The following ACP5 variants were observed in gnomAD, a reference collection of about 807,000 sequenced individuals.
ACP5 encodes acid phosphatase 5, tartrate resistant.
In ACP5, 24 loss-of-function variants were observed where a neutral mutation model predicts 28.7. That is an observed-to-expected ratio of 0.84 (90% confidence interval 0.61 to 1.18). ACP5 has a LOEUF of 1.18. Among genes scored for constraint, ACP5 ranks in the 50% most tolerant of loss-of-function variants. The probability of loss-of-function intolerance (pLI) is 0.00; values close to 1 mark genes in which losing one functional copy is unlikely to be tolerated. For missense variants in ACP5, 354 were observed against 422.2 expected, an observed-to-expected ratio of 0.84 and a Z score of 1.42; for synonymous variants, 154 against 181.4, an observed-to-expected ratio of 0.85 and a Z score of 1.21.
At chr19:11,578,317 C>G (rs139927262), upstream of ACP5, 1 of 152,410 alleles carries the variant, frequency 6.6e-6, no homozygotes, top group Admixed American at 6.6e-5. Flanking sequence ...CGCGTGTGTC[C>G]CCGTCCTCCC....
Position 11,575,045 on chromosome 19 carries a change from A to G in ACP5, c.943T>C (p.Phe315Leu). 1.2e-6 allele frequency: 2 copies of G among 1,614,218 alleles called. No individual in the cohort carries two copies. Among genetic ancestry groups the G allele is most frequent in the Non-Finnish European group, 1.7e-6 (2 of 1,180,044 alleles). ...TYIEASGKSL[F>L]KTRLPRRARP ...GCTCGCCTCGGCAGCCTGGTCTTAA[A>G]GAGGGACTTGCCCGAGGCCTCGATG... Residue 315 changes from phenylalanine (F) to leucine (L), a missense_variant, in exon 5 of 5, where the codon TTT becomes CTT. Transcript: ENST00000648477.
Position 11,577,239 on chromosome 19 carries a change from G to A in ACP5, c.79C>T (p.Arg27Cys), listed in dbSNP as rs369579418. The A allele has an allele frequency of 4.1e-5, 66 of 1,614,180 alleles. 1 individual carries two copies. Among genetic ancestry groups the A allele is most frequent in the Admixed American group, 1.8e-4 (11 of 60,012 alleles). The change falls in exon 2 of 5, where the codon CGC (arginine) becomes TGC (cysteine). Residue 27 changes from arginine (R) to cysteine (C), a missense_variant. By Grantham distance (180) the Arg-to-Cys change is radical. Coordinates refer to ENST00000648477, the MANE Select transcript of ACP5 (RefSeq NM_001611.5). The surrounding 1 kb of genome is among the most constrained non-coding windows in gnomAD (Gnocchi z 5.7). ...CCCCAGTCACCCACGGCTACAAAGC[G>A]CAGGGCAGGGGTGGCACCATCAGCC... Reference protein sequence around the residue: ...SLADGATPALRFVAVGDWGGV... With the variant: ...SLADGATPALCFVAVGDWGGV...
chr19:11,577,003 G>A lies in ACP5; in HGVS notation c.261+54C>T, dbSNP rs756487730. On this transcript the variant is annotated intron_variant, in intron 2 of 4. Transcript: ENST00000648477. This position sits in a 1 kb window ranked among gnomAD's most constrained non-coding sequence, Gnocchi z 5.7. ...CCAAAGGAAGGTCACTAGGTAAGGC[G>A]GCTTCTCCCCACTGCCCGCCCCCAC... 31 of 1,611,962 alleles carry A rather than the reference G, an allele frequency of 1.9e-5. 1 individual carries two copies. The highest frequency in any genetic ancestry group is 2.7e-5 in the African/African-American group (2 of 74,720).
At chr19:11,576,953 C>A (rs1973186413) in intron 2 of ACP5, 104 bp downstream of exon 2, 1 of 1,603,706 alleles carries the variant, frequency 6.2e-7, no homozygotes, top group African/African-American at 1.3e-5. Flanking sequence ...CCCAAAGGTG[C>A]CCCATCACCT....
At chr19:11,578,314 G>T (rs147825982), upstream of ACP5, 507 of 152,524 alleles carry the variant, frequency 3.3e-3, 9 homozygotes, top group Middle Eastern at 0.01. Context: ...CTCCGCGTGT[G>T]TCCCCGTCCT....
rs1314981432 is a variant in ACP5 at position 11,575,063 on chromosome 19, C to G, written c.925G>C (p.Ala309Pro). ...GTCTTAAAGAGGGACTTGCCCGAGG[C>G]CTCGATGTAAGTGACAGTCATCTCT... ...SKEMTVTYIE[A>P]SGKSLFKTRL... The change falls in exon 5 of 5, where the codon GCC (alanine) becomes CCC (proline). Residue 309 changes from alanine (A) to proline (P), a missense_variant. Physicochemically the swap from Ala to Pro is conservative, Grantham distance 27. Transcript: ENST00000648477. 8 of 1,614,084 alleles carry G rather than the reference C, an allele frequency of 5.0e-6. No homozygotes were observed. Among genetic ancestry groups the G allele is most frequent in the African/African-American group, 1.3e-5 (1 of 74,946 alleles).
In ACP5 at chr19:11,577,525, C is replaced by T. The variant is rs1454339493; in HGVS notation, c.-1+68G>A. 19 of 638,826 alleles carry T rather than the reference C, an allele frequency of 3.0e-5. No individual in the cohort carries two copies. The highest frequency in any genetic ancestry group is 9.6e-5 in the Admixed American group (4 of 41,712). 39.6% of individuals were successfully genotyped at this position (638,826 alleles called of 1,614,324 possible). ...AAGGGGGGCGCGGTCTGTGAGAGGG[C>T]GAGCTGTACCAAGATGGCCCTGCAG... On this transcript the variant is annotated intron_variant, in intron 1 of 4. Coordinates refer to ENST00000648477, the MANE Select transcript of ACP5 (RefSeq NM_001611.5). This position sits in a 1 kb window ranked among gnomAD's most constrained non-coding sequence, Gnocchi z 5.7.
rs1338301970 is a variant in ACP5 at position 11,574,742 on chromosome 19, C to G, written c.*268G>C. 1.4e-5 allele frequency: 5 copies of G among 357,912 alleles called. No individual in the cohort carries two copies. The highest frequency in any genetic ancestry group is 2.2e-5 in the Non-Finnish European group (4 of 182,456). 22.2% of individuals were successfully genotyped at this position (357,912 alleles called of 1,614,324 possible). ...AGGAGGAAGCTTTCCCTCCCTCCCT[C>G]CCCCATTGCACCCCGGAACTCAGCA... On this transcript the variant is annotated 3_prime_UTR_variant, in exon 5 of 5. Transcript: ENST00000648477.
At chr19:11,578,175 G>A (rs1002913361), upstream of ACP5, 9 of 152,624 alleles carry the variant, frequency 5.9e-5, no homozygotes, top group South Asian at 2.1e-4. Context: ...GTGTTCTCAC[G>A]TGGCACTGGG....
At position 11,577,250 on chromosome 19, in the gene ACP5, G is replaced by A. The variant is rs939236666; in HGVS notation, c.68C>T (p.Thr23Ile). The change falls in exon 2 of 5, where the codon ACC (threonine) becomes ATC (isoleucine). Residue 23 changes from threonine (T) to isoleucine (I), a missense_variant. Thr to Ile is a moderately conservative substitution (Grantham distance 89, BLOSUM62 -1). Transcript: ENST00000648477. This position sits in a 1 kb window ranked among gnomAD's most constrained non-coding sequence, Gnocchi z 5.7. Reference protein sequence around the residue: ...LLLPSLADGATPALRFVAVGD... With the variant: ...LLLPSLADGAIPALRFVAVGD... ...CACGGCTACAAAGCGCAGGGCAGGG[G>A]TGGCACCATCAGCCAGGGAGGGTAG... 4.3e-6 allele frequency: 7 copies of A among 1,614,180 alleles called. No individual in the cohort carries two copies. Among genetic ancestry groups the A allele is most frequent in the Admixed American group, 1.7e-5 (1 of 60,020 alleles).
chr19:11,578,413 C>T (rs1223638811), upstream of ACP5, among the ~76,000 whole-genome samples: 1 of 152,160 alleles, frequency 6.6e-6, no homozygotes, highest in Non-Finnish European at 1.5e-5. Context: ...TCCCCCCAGA[C>T]TCCCATTCCT....
In ACP5 at chr19:11,576,451, C is replaced by T. The variant is rs774878498; in HGVS notation, c.527G>A (p.Arg176Gln). Residue 176 changes from arginine (R) to glutamine (Q), a missense_variant, in exon 4 of 5, where the codon CGA becomes CAA. Physicochemically the swap from Arg to Gln is conservative, Grantham distance 43 (BLOSUM62 1). Coordinates refer to ENST00000648477, the MANE Select transcript of ACP5 (RefSeq NM_001611.5). ...DFLSQQPERP[R>Q]DVKLARTQLS... ...CTGTGTGCGGGCCAGCTTCACGTCT[C>T]GGGGCCTCTCAGGCTGCTGGCTGAG... is the stretch of plus-strand genomic sequence containing the variant. 24 of 1,614,118 alleles carry T rather than the reference C, an allele frequency of 1.5e-5. No individual in the cohort carries two copies. Among genetic ancestry groups the T allele is most frequent in the East Asian group, 4.5e-5 (2 of 44,886 alleles).
Position 11,577,535 on chromosome 19 carries a change from C to A in ACP5, c.-1+58G>T. On this transcript the variant is annotated intron_variant, in intron 1 of 4. Transcript: ENST00000648477. This position sits in a 1 kb window ranked among gnomAD's most constrained non-coding sequence, Gnocchi z 5.7. The stretch of plus-strand genomic sequence containing the variant: ...CGGTCTGTGAGAGGGCGAGCTGTAC[C>A]AAGATGGCCCTGCAGGCCCATTTCA... 1.6e-6 allele frequency: 1 copy of A among 619,630 alleles called. No individual in the cohort carries two copies. Among genetic ancestry groups the A allele is most frequent in the Non-Finnish European group, 2.9e-6 (1 of 346,750 alleles). The allele number at this position is 619,630 out of a possible 1,614,324, so 38.4% of individuals were successfully genotyped here.
At position 11,575,735 on chromosome 19, in the gene ACP5, T is replaced by C. The variant is rs941801576; in HGVS notation, c.736-483A>G. Among the ~76,000 whole-genome samples the C allele has an allele frequency of 2.0e-5, 3 of 151,312 alleles. No homozygotes were observed. The South Asian group carries it at 6.2e-4, about 31-fold the overall frequency. ...AGCAAGGTTTGGTGGCCCATGCTTG[T>C]AATCCCAGCTACTTGGGAGGCTGAG... On this transcript the variant is annotated intron_variant, in intron 4 of 4. Coordinates refer to ENST00000648477, the MANE Select transcript of ACP5 (RefSeq NM_001611.5).
At chr19:11,577,724 G>A (rs2071483), upstream of ACP5, 4 of 305,450 alleles carry the variant, frequency 1.3e-5, no homozygotes, top group East Asian at 2.5e-4. The surrounding 1 kb of genome is among the most constrained non-coding windows in gnomAD (Gnocchi z 5.7). Flanking sequence ...CAGTTTCTCC[G>A]AGGGCTGTCC....
chr19:11,575,017 C>A lies in ACP5; in HGVS notation c.971G>T (p.Arg324Met), dbSNP rs145265651. ...CTGGGCAGTCATGGGAGTTCAGGGCCTGGCTCGCCTCGGCAGCCTGGTCTT... is the reference window on the plus strand; with the variant it reads ...CTGGGCAGTCATGGGAGTTCAGGGCATGGCTCGCCTCGGCAGCCTGGTCTT... ...LFKTRLPRRA[R>M]P is the part of the protein sequence containing the mutation. Residue 324 changes from arginine (R) to methionine (M), a missense_variant, in exon 5 of 5, where the codon AGG (arginine) becomes ATG (methionine). By Grantham distance (91) the Arg-to-Met change is moderately conservative. Coordinates refer to ENST00000648477, the MANE Select transcript of ACP5 (RefSeq NM_001611.5). 1 of 1,614,184 alleles carries A rather than the reference C, an allele frequency of 6.2e-7. No individual in the cohort carries two copies. Among genetic ancestry groups the A allele is most frequent in the Non-Finnish European group, 8.5e-7 (1 of 1,180,036 alleles).
rs746909423 is a variant in ACP5 at position 11,577,184 on chromosome 19, G to A, written c.134C>T (p.Ala45Val). Residue 45 changes from alanine (A) to valine (V), a missense_variant, in exon 2 of 5, where the codon GCC becomes GTC. Ala to Val is a moderately conservative substitution (Grantham distance 64). Transcript: ENST00000648477. The surrounding 1 kb of genome is among the most constrained non-coding windows in gnomAD (Gnocchi z 5.7). ...GGVPNAPFHT[A>V]REMANAKEIA... ...CTCCTTGGCATTGGCCATTTCCCGGGCCGTGTGGAATGGGGCATTGGGGAC... is the reference window on the plus strand; with the variant it reads ...CTCCTTGGCATTGGCCATTTCCCGGACCGTGTGGAATGGGGCATTGGGGAC... The A allele has an allele frequency of 6.2e-7, 1 of 1,614,218 alleles. No homozygotes were observed. The highest frequency in any genetic ancestry group is 2.2e-5 in the East Asian group (1 of 44,874).
In ACP5 at chr19:11,576,360, G is replaced by T; in HGVS notation, c.618C>A (p.Tyr206Ter). The T allele has an allele frequency of 6.2e-7, 1 of 1,610,280 alleles. No individual in the cohort carries two copies. The highest frequency in any genetic ancestry group is 8.5e-7 in the Non-Finnish European group (1 of 1,178,136). Reference sequence around the variant, plus strand: ...CGTGCTCGGCTATGGACCACACGGGGTAGTGGCCAGCCACCAGCACGTAGT... The same window carrying T: ...CGTGCTCGGCTATGGACCACACGGGTTAGTGGCCAGCCACCAGCACGTAGT... ...REDYVLVAGH[Y>*]PVWSIAEHGP... The change falls in exon 4 of 5, where the codon TAC (tyrosine) becomes TAA (stop). Residue 206 changes from tyrosine (Y) to a stop codon, truncating the protein, a stop_gained. Coordinates refer to ENST00000648477, the MANE Select transcript of ACP5 (RefSeq NM_001611.5). LOFTEE classifies it high-confidence loss of function.
At chr19:11,575,721 G>A (rs185688591) in intron 4 of ACP5, among the ~76,000 whole-genome samples, 2 of 152,108 alleles carry the variant, frequency 1.3e-5, no homozygotes, top group Admixed American at 1.3e-4. Context: ...GCAAGGTTTG[G>A]TGGCCCATGC....
Sources: gnomAD v4.1 joint callset for allele counts (sites outside exome capture counted in the v4.1 genomes callset) on GRCh38, gnomAD v4.1.1 for gene constraint, Gnocchi (gnomAD v3.1) non-coding constraint, MANE v1.5 for transcripts, NCBI Gene and HGNC (gene_info 2026-07-23, HGNC 2026-07-21) for gene names.